The following PDGFC variants were observed in gnomAD, a reference collection of about 807,000 sequenced individuals.
The protein encoded by PDGFC is platelet-derived growth factor C.
In PDGFC, 12 loss-of-function variants were observed where a neutral mutation model predicts 35.5. The observed-to-expected ratio is 0.34, with a 90% CI of 0.22 to 0.55. The LOEUF (loss-of-function observed/expected upper bound fraction) is 0.55. Ranked by LOEUF, PDGFC falls within the 20% of genes least tolerant of loss-of-function variation. The pLI, the probability that PDGFC is intolerant of heterozygous loss-of-function variation, is 0.91. For missense variants in PDGFC, 322 were observed against 412.4 expected (o/e 0.78, Z 1.90); for synonymous variants, 159 against 148.8 (o/e 1.07, Z -0.50).
chr4:156,860,559 C>A (rs796785163), intron 1 of PDGFC, among the ~76,000 whole-genome samples: 120 of 151,778 alleles, frequency 7.9e-4, no homozygotes, highest in African/African-American at 2.7e-3. Context: ...TGACACGGGG[C>A]GCGGAGGAGA....
intron 1 of PDGFC, among the ~76,000 whole-genome samples, chr4:156,852,985 C>T (rs142754526): frequency 1.3e-5 from 2 of 152,266 alleles, no homozygotes; most frequent in African/African-American, 4.8e-5. Context: ...TGGTGGACAC[C>T]TTCATCTGAA....
chr4:156,847,256 CGTAA>C (rs1729348533), intron 2 of PDGFC, among the ~76,000 whole-genome samples: 1 of 151,648 alleles, frequency 6.6e-6, no homozygotes, highest in African/African-American at 2.4e-5. Flanking sequence ...TACCACCATA[CGTAA>C]GTGATCAAAG....
intron 4 of PDGFC, among the ~76,000 whole-genome samples, chr4:156,769,251 G>A (rs1453778566): frequency 6.6e-6 from 1 of 151,104 alleles, no homozygotes; most frequent in South Asian, 2.2e-4. Context: ...AAATAATCAC[G>A]ATGTAATCCA....
At position 156,761,446 on chromosome 4, in the gene PDGFC, T is replaced by C. The variant is rs11100083; in HGVS notation, c.*1644A>G. 58,873 of 152,102 alleles carry C rather than the reference T, an allele frequency of 0.39. 15,338 individuals carry two copies. The highest frequency in any genetic ancestry group is 0.74 in the African/African-American group (30,637 of 41,480). 9.4% of individuals were successfully genotyped at this position (152,102 alleles called of 1,614,324 possible). The stretch of plus-strand genomic sequence containing the variant: ...AAGACCAGTAAGAAAAATAAAACCA[T>C]TGCTCAAAGGCATTGGAAACAAGAG... On this transcript the variant is annotated 3_prime_UTR_variant, in exon 6 of 6. Transcript: ENST00000502773.
intron 1 of PDGFC, among the ~76,000 whole-genome samples, chr4:156,857,231 A>G (rs1311425255): frequency 6.6e-6 from 1 of 152,050 alleles, no homozygotes; most frequent in Non-Finnish European, 1.5e-5. Flanking sequence ...TAAGAGAGAA[A>G]ATTTACCCAC....
At chr4:156,825,013 C>T (rs78482864) in intron 2 of PDGFC, among the ~76,000 whole-genome samples, 9,047 of 151,904 alleles carry the variant, frequency 0.06, 885 homozygotes, top group African/African-American at 0.21. Flanking sequence ...ACTAAATCAC[C>T]GCATTATTGA....
chr4:156,837,920 TGATCTCAGACTTGGTCA>T (rs1420102896), intron 2 of PDGFC, among the ~76,000 whole-genome samples: 1 of 152,152 alleles, frequency 6.6e-6, no homozygotes. Context: ...CAGAATCCCT[TGATCTCAGACTTGGTCA>T]GATCCCCACC....
At chr4:156,783,187 G>A (rs746439029) in intron 3 of PDGFC, among the ~76,000 whole-genome samples, 1 of 152,130 alleles carries the variant, frequency 6.6e-6, no homozygotes, top group Non-Finnish European at 1.5e-5. Context: ...CTGTGACAAA[G>A]CATTGCTATT....
At chr4:156,781,343 C>T (rs1013512068) in intron 3 of PDGFC, among the ~76,000 whole-genome samples, 5 of 152,122 alleles carry the variant, frequency 3.3e-5, no homozygotes, top group Non-Finnish European at 5.9e-5. Context: ...TTAAACAATG[C>T]CTTTGCCATT....
intron 1 of PDGFC, among the ~76,000 whole-genome samples, chr4:156,913,500 G>T (rs1731089148): frequency 6.6e-6 from 1 of 152,168 alleles, no homozygotes. Context: ...TACTAAGCCA[G>T]TTGCTTCTAC....
At chr4:156,811,858 G>C (rs1328860049) in intron 2 of PDGFC, among the ~76,000 whole-genome samples, 1 of 151,992 alleles carries the variant, frequency 6.6e-6, no homozygotes, top group African/African-American at 2.4e-5. Flanking sequence ...GGGGTGAGAA[G>C]GGAGTGATTG....
intron 1 of PDGFC, among the ~76,000 whole-genome samples, chr4:156,913,162 C>T (rs1432599824): frequency 6.6e-6 from 1 of 152,058 alleles, no homozygotes. Flanking sequence ...ATCACTAATA[C>T]ATAAAAAAAC....
At chr4:156,893,357 AG>A (rs1730558845) in intron 1 of PDGFC, among the ~76,000 whole-genome samples, 2 of 151,100 alleles carry the variant, frequency 1.3e-5, no homozygotes. Flanking sequence ...TTTTTAAGAC[AG>A]GGTCTTGGTC....
At chr4:156,795,344 C>A (rs907421897) in intron 3 of PDGFC, among the ~76,000 whole-genome samples, 1 of 152,096 alleles carries the variant, frequency 6.6e-6, no homozygotes, top group African/African-American at 2.4e-5. Flanking sequence ...TGGAGGATTT[C>A]TGAGCTTAGA....
intron 3 of PDGFC, among the ~76,000 whole-genome samples, chr4:156,786,919 T>A (rs1453407326): frequency 6.6e-6 from 1 of 152,108 alleles, no homozygotes. Flanking sequence ...GAAAATAGAA[T>A]GCAGGAAGGC....
chr4:156,874,247 C>T (rs1183345116), intron 1 of PDGFC, among the ~76,000 whole-genome samples: 2 of 152,064 alleles, frequency 1.3e-5, no homozygotes, highest in African/African-American at 4.8e-5. Flanking sequence ...AATAAATTGT[C>T]TTAACCATAA....
At chr4:156,773,201 T>C (rs568264031) in intron 3 of PDGFC, among the ~76,000 whole-genome samples, 1 of 152,320 alleles carries the variant, frequency 6.6e-6, no homozygotes, top group South Asian at 2.1e-4. Context: ...ATGAAAACTA[T>C]AATACAGTTT....
At chr4:156,793,092 T>G (rs772881789) in intron 3 of PDGFC, among the ~76,000 whole-genome samples, 5 of 152,108 alleles carry the variant, frequency 3.3e-5, no homozygotes, top group Non-Finnish European at 7.4e-5. Context: ...AGAATACAAG[T>G]AGACATTCAA....
intron 1 of PDGFC, among the ~76,000 whole-genome samples, chr4:156,953,925 T>G (rs1247588477): frequency 8.6e-5 from 13 of 151,930 alleles, no homozygotes; most frequent in Non-Finnish European, 5.9e-5. Flanking sequence ...TGCCATTCCT[T>G]CTCATTCTGG....
Sources: gnomAD v4.1 joint callset for allele counts (sites outside exome capture counted in the v4.1 genomes callset) on GRCh38, gnomAD v4.1.1 for gene constraint, MANE v1.5 for transcripts, NCBI Gene and HGNC (gene_info 2026-07-23, HGNC 2026-07-21) for gene names.